CFHR3: variants seen among roughly 807,000 people sequenced by gnomAD.
CFHR3 encodes the protein complement factor H related 3.
Under a neutral mutation model 36.0 loss-of-function variants are expected in CFHR3, and 22 were observed. The ratio of observed to expected loss-of-function variants is 0.61; its 90% CI spans 0.44 to 0.87. The LOEUF is 0.87. Ranked by LOEUF, CFHR3 falls within the 40% of genes least tolerant of loss-of-function variation. CFHR3 has a pLI of 0.00. For missense variants in CFHR3, 276 were observed against 401.3 expected (o/e 0.69, Z 2.67); for synonymous variants, 97 against 137.4 (o/e 0.71, Z 2.06).
rs1296573328 is a variant in CFHR3 at position 196,794,762 on chromosome 1, G to T, written c.*1249G>T. The T allele has an allele frequency of 7.2e-6, 2 of 279,178 alleles. No individual in the cohort carries two copies. The highest frequency in any genetic ancestry group is 1.4e-5 in the Non-Finnish European group (2 of 144,524). 17.3% of individuals were successfully genotyped at this position (279,178 alleles called of 1,614,324 possible). ...TCACTTTAATAGATTTTTACCCCCA[G>T]TTAGCATATGGTTAGTGAGAAGTTG... On this transcript the variant is annotated 3_prime_UTR_variant, in exon 6 of 6. Coordinates refer to ENST00000367425, the MANE Select transcript of CFHR3 (RefSeq NM_021023.6).
At chr1:196,783,839 C>T (rs1199488573) in intron 3 of CFHR3, among the ~76,000 whole-genome samples, 1 of 136,078 alleles carries the variant, frequency 7.3e-6, no homozygotes, top group South Asian at 2.6e-4. Context: ...TTCTTGCCTT[C>T]TGCTAGCTTT....
At chr1:196,792,751 G>T (rs1417142815) in intron 5 of CFHR3, among the ~76,000 whole-genome samples, 1 of 128,830 alleles carries the variant, frequency 7.8e-6, no homozygotes, top group African/African-American at 3.4e-5. Flanking sequence ...TAGAGAGAGA[G>T]ATAACTGATA....
intron 1 of CFHR3, among the ~76,000 whole-genome samples, chr1:196,775,758 G>A (rs383372): frequency 0.28 from 38,080 of 135,394 alleles, 10,795 homozygotes; most frequent in East Asian, 0.51. Context: ...GACAATCAAG[G>A]GTGTGTGTCC....
At position 196,789,203 on chromosome 1, in the gene CFHR3, T is replaced by C; in HGVS notation, c.613+805T>C. On this transcript the variant is annotated intron_variant, in intron 4 of 5. Coordinates refer to ENST00000367425, the MANE Select transcript of CFHR3 (RefSeq NM_021023.6). ...TTTACATACTCCCAAATCCACTTCA[T>C]TTTCAAGGGTACAATTCAACTATTT... The C allele has an allele frequency of 4.4e-6, 4 of 904,874 alleles. 1 individual carries two copies. Among genetic ancestry groups the C allele is most frequent in the Non-Finnish European group, 5.3e-6 (4 of 759,488 alleles). The allele number at this position is 904,874 out of a possible 1,614,324, so 56.1% of individuals were successfully genotyped here.
In CFHR3 at chr1:196,776,844, T is replaced by C. The variant is rs536238856; in HGVS notation, c.58+1900T>C. On this transcript the variant is annotated intron_variant, in intron 1 of 5. Coordinates refer to ENST00000367425, the MANE Select transcript of CFHR3 (RefSeq NM_021023.6). Reference sequence around the variant, plus strand: ...TACTTTTTACTCAAGGATATATATATATATATACCCACCAACACAGATTTT... The same window carrying C: ...TACTTTTTACTCAAGGATATATATACATATATACCCACCAACACAGATTTT... Among the ~76,000 whole-genome samples, 382 of 135,870 alleles carry C rather than the reference T, an allele frequency of 2.8e-3. 53 individuals are homozygous for C. Among genetic ancestry groups the C allele is most frequent in the Non-Finnish European group, 4.0e-3 (259 of 64,318 alleles). The allele number at this position is 135,870 out of a possible 152,430, so 89.1% of individuals were successfully genotyped here. A position where few individuals can be genotyped will look rare whatever the true frequency, so the allele number is the denominator to read the frequency against.
intron 3 of CFHR3, among the ~76,000 whole-genome samples, chr1:196,785,804 G>A (rs531260189): frequency 2.2e-5 from 3 of 137,158 alleles, no homozygotes; most frequent in South Asian, 2.5e-4. Context: ...TTCTCAACTC[G>A]TCAAAGTCAT....
intron 3 of CFHR3, among the ~76,000 whole-genome samples, chr1:196,782,020 T>A (rs1653971955): frequency 7.3e-6 from 1 of 137,570 alleles, no homozygotes; most frequent in Non-Finnish European, 1.5e-5. Flanking sequence ...TTTCTACATA[T>A]GGCTAGCCTG....
At chr1:196,783,421 T>C (rs1654048012) in intron 3 of CFHR3, among the ~76,000 whole-genome samples, 1 of 132,142 alleles carries the variant, frequency 7.6e-6, no homozygotes, top group Non-Finnish European at 1.6e-5. Context: ...CGGCTGTGAA[T>C]CCATCTGGTC....
At chr1:196,792,889 A>G (rs374094871) in intron 5 of CFHR3, among the ~76,000 whole-genome samples, 2 of 137,296 alleles carry the variant, frequency 1.5e-5, no homozygotes, top group East Asian at 3.9e-4. Context: ...AGAAAAATAT[A>G]AACATAGAAT....
chr1:196,792,185 C>T lies in CFHR3; in HGVS notation c.797-1132C>T, dbSNP rs1460681699. On this transcript the variant is annotated intron_variant, in intron 5 of 5. Transcript: ENST00000367425. ...AACAGCCCCTGAATGTATTGAAGAG[C>T]TCTTAAAATTTTTTGGATTTCAAAA... Among the ~76,000 whole-genome samples, 2 of 116,418 alleles carry T rather than the reference C, an allele frequency of 1.7e-5. 1 individual carries two copies. The highest frequency in any genetic ancestry group is 3.4e-5 in the Non-Finnish European group (2 of 58,620). The allele number at this position is 116,418 out of a possible 152,430, so 76.4% of individuals were successfully genotyped here.
chr1:196,778,824 G>C lies in CFHR3; in HGVS notation c.59-338G>C, dbSNP rs535971668. Among the ~76,000 whole-genome samples, 24 of 136,814 alleles carry C rather than the reference G, an allele frequency of 1.8e-4. No homozygotes were observed. The East Asian group carries it at 4.3e-3, about 25-fold the overall frequency. 89.8% of individuals were successfully genotyped at this position (136,814 alleles called of 152,430 possible). On this transcript the variant is annotated intron_variant, in intron 1 of 5. Transcript: ENST00000367425. Reference sequence around the variant, plus strand: ...CTTGGTATAGTTCTAGATAAGCTCAGTTCAAATTAATGTTGATAAAACCTC... The same window carrying C: ...CTTGGTATAGTTCTAGATAAGCTCACTTCAAATTAATGTTGATAAAACCTC...
At position 196,782,142 on chromosome 1, in the gene CFHR3, G is replaced by A. The variant is rs1388912217; in HGVS notation, c.430+2169G>A. On this transcript the variant is annotated intron_variant, in intron 3 of 5. Coordinates refer to ENST00000367425, the MANE Select transcript of CFHR3 (RefSeq NM_021023.6). The stretch of plus-strand genomic sequence containing the variant: ...ATGCAGCGTTATTTCTGAGGGCTCT[G>A]TTCTGTTCCATTGATCTATATCTCT... 1.5e-5 allele frequency among the ~76,000 whole-genome samples: 2 copies of A among 136,810 alleles called. 1 individual carries two copies. The highest frequency in any genetic ancestry group is 6.1e-5 in the African/African-American group (2 of 32,610). 89.8% of individuals were successfully genotyped at this position (136,810 alleles called of 152,430 possible).
rs149401630 is a variant in CFHR3, at chr1:196,792,670, T to C, written c.797-647T>C. ...GTCCATAATCATGTAGGGATTCATA[T>C]TAACTCTGTGTGCTTATCCTTGCCT... On this transcript the variant is annotated intron_variant, in intron 5 of 5. Transcript: ENST00000367425. Among the ~76,000 whole-genome samples, 570 of 136,550 alleles carry C rather than the reference T, an allele frequency of 4.2e-3. 83 individuals are homozygous for C. Among genetic ancestry groups the C allele is most frequent in the Admixed American group, 5.8e-3 (82 of 14,124 alleles). 89.6% of individuals were successfully genotyped at this position (136,550 alleles called of 152,430 possible). A position where few individuals can be genotyped will look rare whatever the true frequency, so the allele number is the denominator to read the frequency against.
In CFHR3 at chr1:196,789,241, T is replaced by C; in HGVS notation, c.614-804T>C. ...AATTCAACTATTTTTAGTCATGAGA[T>C]AATATGGAACCTTGATACATAATAC... On this transcript the variant is annotated intron_variant, in intron 4 of 5. Transcript: ENST00000367425. 3 of 825,976 alleles carry C rather than the reference T, an allele frequency of 3.6e-6. 1 individual carries two copies. Among genetic ancestry groups the C allele is most frequent in the African/African-American group, 4.8e-5 (2 of 41,960 alleles). The allele number at this position is 825,976 out of a possible 1,614,324, so 51.2% of individuals were successfully genotyped here.
intron 3 of CFHR3, among the ~76,000 whole-genome samples, chr1:196,786,160 G>T (rs1654189771): frequency 7.3e-6 from 1 of 136,210 alleles, no homozygotes; most frequent in Admixed American, 7.1e-5. Context: ...GGTTCCTCTG[G>T]AAGTTTTGTC....
chr1:196,789,653 A>G lies in CFHR3; in HGVS notation c.614-392A>G. On this transcript the variant is annotated intron_variant, in intron 4 of 5. Coordinates refer to ENST00000367425, the MANE Select transcript of CFHR3 (RefSeq NM_021023.6). ...TTAAAAGCGGTTTAAGCTCCGTGAC[A>G]CATTGGACTACGAATGCTACGATGG... 2 of 1,442,910 alleles carry G rather than the reference A, an allele frequency of 1.4e-6. 1 individual carries two copies. Among genetic ancestry groups the G allele is most frequent in the Non-Finnish European group, 1.9e-6 (2 of 1,076,952 alleles). The allele number at this position is 1,442,910 out of a possible 1,614,324, so 89.4% of individuals were successfully genotyped here.
intron 4 of CFHR3, chr1:196,789,714 T>C: frequency 6.8e-7 from 1 of 1,459,972 alleles, no homozygotes; most frequent in Admixed American, 1.9e-5. Context: ...ACAGGTTCCA[T>C]AGTGTGTGGT....
rs748096320 is a variant in CFHR3 at position 196,779,209 on chromosome 1, G to C, written c.106G>C (p.Glu36Gln). Residue 36 changes from glutamate to glutamine, a missense_variant, in exon 2 of 6, where the codon GAG becomes CAG. Around this residue, in one of 3 missense-constraint regions of CFHR3, gnomAD observed 178 missense variants for 247.2 expected, o/e 0.72. Coordinates refer to ENST00000367425, the MANE Select transcript of CFHR3 (RefSeq NM_021023.6). ...PDIKHGGLFHENMRRPYFPVA... is the reference protein window; with the variant it reads ...PDIKHGGLFHQNMRRPYFPVA... ...CATTAAACATGGAGGTCTATTTCATGAGAATATGCGTAGACCATACTTTCC... is the reference window on the plus strand; with the variant it reads ...CATTAAACATGGAGGTCTATTTCATCAGAATATGCGTAGACCATACTTTCC... 1 of 1,530,158 alleles carries C rather than the reference G, an allele frequency of 6.5e-7. No individual in the cohort carries two copies. The highest frequency in any genetic ancestry group is 1.2e-5 in the South Asian group (1 of 80,574). The allele number at this position is 1,530,158 out of a possible 1,614,324, so 94.8% of individuals were successfully genotyped here.
At position 196,785,304 on chromosome 1, in the gene CFHR3, G is replaced by A. The variant is rs9661567; in HGVS notation, c.431-2912G>A. 2.0e-4 allele frequency among the ~76,000 whole-genome samples: 26 copies of A among 129,960 alleles called. 2 individuals carry two copies. Among genetic ancestry groups the A allele is most frequent in the Non-Finnish European group, 3.0e-4 (19 of 62,748 alleles). The allele number at this position is 129,960 out of a possible 152,430, so 85.3% of individuals were successfully genotyped here. A position where few individuals can be genotyped will look rare whatever the true frequency, so the allele number is the denominator to read the frequency against. The stretch of plus-strand genomic sequence containing the variant: ...GTCTTGGAGTTGCTCTTCTCTAGGA[G>A]TATCTTTGTGGCGTTCTCTGTATTT... On this transcript the variant is annotated intron_variant, in intron 3 of 5. Transcript: ENST00000367425.
Sources: allele counts gnomAD v4.1 joint callset (sites outside exome capture counted in the v4.1 genomes callset), GRCh38; gene constraint gnomAD v4.1.1; regional missense constraint gnomAD v4.1.1; transcripts MANE v1.5; gene names NCBI Gene and HGNC (gene_info 2026-07-23, HGNC 2026-07-21).